Variants in HIPK1 observed in about 807,000 individuals in gnomAD.
HIPK1 encodes homeodomain-interacting protein kinase 1.
Under a neutral mutation model 117.1 loss-of-function variants are expected in HIPK1, and 28 were observed. That is an observed-to-expected ratio of 0.24 (90% CI 0.18 to 0.33). HIPK1 has a LOEUF of 0.33. Ranked by LOEUF, HIPK1 falls within the 10% of genes least tolerant of loss-of-function variation. The pLI is 1.00. For synonymous variants in HIPK1, 605 were observed against 562.5 expected (o/e 1.08, Z -1.07); for missense variants, 1,122 against 1,475.1 (o/e 0.76, Z 3.92).
At chr1:113,956,969 A>T (rs1671768420) in intron 6 of HIPK1, among the ~76,000 whole-genome samples, 155 bp from the exon 7 acceptor site, 1 of 152,124 alleles carries the variant, frequency 6.6e-6, no homozygotes, top group African/African-American at 2.4e-5. Context: ...TAAAAATTAG[A>T]TGTGTATTTT....
chr1:113,960,942 T>A (rs1672065941), intron 8 of HIPK1, among the ~76,000 whole-genome samples: 1 of 152,178 alleles, frequency 6.6e-6, no homozygotes, highest in African/African-American at 2.4e-5. Context: ...ATTTGATACC[T>A]CCATAGTAAT....
At chr1:113,969,115 A>G (rs1328775691) in intron 13 of HIPK1, among the ~76,000 whole-genome samples, 1 of 152,020 alleles carries the variant, frequency 6.6e-6, no homozygotes, top group East Asian at 1.9e-4. Context: ...CGGAAGAGGG[A>G]ATGACCTCTT....
At chr1:113,935,035 C>CT (rs1670165065) in intron 1 of HIPK1, among the ~76,000 whole-genome samples, 1 of 146,340 alleles carries the variant, frequency 6.8e-6, no homozygotes, top group Admixed American at 6.8e-5. Flanking sequence ...TTTTTTAAAC[C>CT]TTTATTTTAG....
chr1:113,933,984 GA>G (rs1207499522), intron 1 of HIPK1, among the ~76,000 whole-genome samples: 2 of 152,146 alleles, frequency 1.3e-5, no homozygotes, highest in African/African-American at 4.8e-5. Flanking sequence ...GTTCTGTTGG[GA>G]AGAATTTTCT....
chr1:113,934,775 C>A (rs1670138526), intron 1 of HIPK1, among the ~76,000 whole-genome samples: 2 of 135,954 alleles, frequency 1.5e-5, no homozygotes, highest in African/African-American at 5.4e-5. Context: ...ATAGTAAGAC[C>A]TCATCTCTGA....
intron 7 of HIPK1, among the ~76,000 whole-genome samples, chr1:113,957,531 TCTGA>T (rs368275960): frequency 1.3e-5 from 2 of 152,122 alleles, no homozygotes; most frequent in African/African-American, 4.8e-5. Flanking sequence ...ATAAATGGGG[TCTGA>T]CTATTATGCT....
At chr1:113,953,849 C>G (rs1671529585) in intron 3 of HIPK1, 1 of 151,920 alleles carries the variant, frequency 6.6e-6, no homozygotes. Flanking sequence ...TGTTCCTGCC[C>G]TTTATGATGT....
chr1:113,939,327 GTTTTTT>G (rs71090749), intron 1 of HIPK1, among the ~76,000 whole-genome samples: 1 of 145,752 alleles, frequency 6.9e-6, no homozygotes, highest in Admixed American at 7.0e-5. Context: ...TTTTTTTTCT[GTTTTTT>G]TTTTTTTTTG....
At chr1:113,945,694 C>G (rs1337885299) in intron 2 of HIPK1, among the ~76,000 whole-genome samples, 1 of 152,166 alleles carries the variant, frequency 6.6e-6, no homozygotes, top group Non-Finnish European at 1.5e-5. Flanking sequence ...GTTGGGCTCT[C>G]TATTCCATTA....
At chr1:113,956,178 G>A (rs543174537) in intron 5 of HIPK1, among the ~76,000 whole-genome samples, 8 of 149,170 alleles carry the variant, frequency 5.4e-5, no homozygotes, top group South Asian at 2.1e-4. Context: ...GGGTTCAAGC[G>A]ATTCTCCTGC....
intron 2 of HIPK1, among the ~76,000 whole-genome samples, chr1:113,942,191 G>T (rs1179216130): frequency 6.6e-6 from 1 of 151,958 alleles, no homozygotes; most frequent in African/African-American, 2.4e-5. Flanking sequence ...GTCCTGAGTA[G>T]CTGGGACTAC....
intron 1 of HIPK1, chr1:113,929,841 G>C (rs1392079117): frequency 2.4e-5 from 24 of 987,856 alleles, no homozygotes; most frequent in Non-Finnish European, 2.9e-5. Flanking sequence ...GGCTCGCGCG[G>C]GGGGTATGAT....
intron 15 of HIPK1, 131 bp downstream of exon 15, chr1:113,972,085 A>T (rs143644350): frequency 1.2e-6 from 2 of 1,608,818 alleles, no homozygotes; most frequent in South Asian, 1.1e-5. Flanking sequence ...TTTGTGTTCT[A>T]TGGCTTACGT....
chr1:113,934,853 C>T (rs1381813944), intron 1 of HIPK1, among the ~76,000 whole-genome samples: 5 of 148,782 alleles, frequency 3.4e-5, no homozygotes, highest in Admixed American at 2.7e-4. Context: ...AGCCAAGCGT[C>T]CTGGTGTGTG....
At chr1:113,952,914 A>G (rs989819270) in intron 3 of HIPK1, 25 bp downstream of exon 3, 1 of 1,457,188 alleles carries the variant, frequency 6.9e-7, no homozygotes, top group East Asian at 2.5e-5. Context: ...TTGAATGGAA[A>G]TAGAATGCAA....
At chr1:113,935,326 T>C (rs1451651289) in intron 1 of HIPK1, among the ~76,000 whole-genome samples, 1 of 152,210 alleles carries the variant, frequency 6.6e-6, no homozygotes, top group African/African-American at 2.4e-5. Context: ...CCCTCCAGCT[T>C]CATCCATGTT....
chr1:113,935,018 G>C (rs1280326852), intron 1 of HIPK1, among the ~76,000 whole-genome samples: 1 of 138,510 alleles, frequency 7.2e-6, no homozygotes, highest in Non-Finnish European at 1.6e-5. Context: ...AGAATCAGCT[G>C]TTTTTTTTTT....
At chr1:113,970,895 CT>C (rs1672780613) in intron 14 of HIPK1, among the ~76,000 whole-genome samples, 1 of 152,194 alleles carries the variant, frequency 6.6e-6, no homozygotes, top group Non-Finnish European at 1.5e-5. Context: ...GTCTTAACCT[CT>C]TTAGGCTGGA....
Position 113,968,646 on chromosome 1 carries a change from T to C in HIPK1, c.2769T>C (p.Ser923=), listed in dbSNP as rs1672619988. The C allele has an allele frequency of 1.2e-6, 2 of 1,610,302 alleles. No individual in the cohort carries two copies. Among genetic ancestry groups the C allele is most frequent in the Admixed American group, 1.7e-5 (1 of 59,988 alleles). The change falls in exon 13 of 16, where the codon AGT becomes AGC. Residue 923 remains serine, a splice_region_variant and synonymous_variant. Coordinates refer to ENST00000426820, the MANE Select transcript of HIPK1 (RefSeq NM_198268.3). ...AAGAGGACAACAAATACAAGCCCAGTAGGTAAGATAAGTGAATGGTTCCTG... is the reference window on the plus strand; with the variant it reads ...AAGAGGACAACAAATACAAGCCCAGCAGGTAAGATAAGTGAATGGTTCCTG... ...DEEEDNKYKP[S]SSGLKPRSNV...
Sources: gnomAD v4.1 joint callset for allele counts (sites outside exome capture counted in the v4.1 genomes callset) on GRCh38, gnomAD v4.1.1 for gene constraint, MANE v1.5 for transcripts, NCBI Gene and HGNC (gene_info 2026-07-23, HGNC 2026-07-21) for gene names.